IGFBP2: variants seen among roughly 807,000 people sequenced by gnomAD.
IGFBP2 encodes insulin-like growth factor-binding protein 2.
Under a neutral mutation model 26.2 loss-of-function variants are expected in IGFBP2, and 12 were observed. The observed-to-expected ratio is 0.46, with a 90% CI of 0.29 to 0.74. IGFBP2 has a LOEUF of 0.74. IGFBP2 is among the 30% of genes least tolerant of loss of function. The pLI is 0.09. For missense variants in IGFBP2, 328 were observed against 441.2 expected, an observed-to-expected ratio of 0.74 and a Z score of 2.30; for synonymous variants, 189 against 200.6, an observed-to-expected ratio of 0.94 and a Z score of 0.49.
intron 1 of IGFBP2, among the ~76,000 whole-genome samples, chr2:216,639,176 G>C (rs978488566): frequency 6.6e-6 from 1 of 151,966 alleles, no homozygotes; most frequent in African/African-American, 2.4e-5. Context: ...GGGAATTCAC[G>C]CATGCACCAC....
chr2:216,643,295 G>T (rs929085028), intron 1 of IGFBP2, among the ~76,000 whole-genome samples: 5 of 152,182 alleles, frequency 3.3e-5, no homozygotes, highest in African/African-American at 1.2e-4. Flanking sequence ...CCATAGAAAC[G>T]CTGGGTTGGG....
At chr2:216,639,356 T>G (rs967223837) in intron 1 of IGFBP2, among the ~76,000 whole-genome samples, 1 of 151,998 alleles carries the variant, frequency 6.6e-6, no homozygotes, top group Non-Finnish European at 1.5e-5. Context: ...GATATTGATA[T>G]GAGGAAGTTC....
chr2:216,661,466 C>T (rs1688646217), intron 2 of IGFBP2: 2 of 356,528 alleles, frequency 5.6e-6, no homozygotes, highest in Non-Finnish European at 1.1e-5. Flanking sequence ...CTTTCCTGCC[C>T]AGCTCTGCCA....
At chr2:216,653,245 T>G (rs1276780154) in intron 1 of IGFBP2, among the ~76,000 whole-genome samples, 1 of 152,164 alleles carries the variant, frequency 6.6e-6, no homozygotes, top group African/African-American at 2.4e-5. Context: ...AATTTCCAAA[T>G]AGAGCACTGA....
intron 1 of IGFBP2, among the ~76,000 whole-genome samples, chr2:216,659,967 C>T (rs892595946): frequency 2.0e-5 from 3 of 152,048 alleles, no homozygotes; most frequent in Admixed American, 1.3e-4. Flanking sequence ...TTCTGGGTGG[C>T]GACGTGGCCT....
rs186470702 is a variant in IGFBP2, at chr2:216,652,080, A to C, written c.443-8477A>C. Among the ~76,000 whole-genome samples the C allele has an allele frequency of 4.7e-5, 7 of 148,834 alleles. 1 individual carries two copies. Among genetic ancestry groups the C allele is most frequent in the African/African-American group, 1.7e-4 (7 of 40,446 alleles). ...CCTGGCCACCACACATTTTTTTCTA[A>C]AGCTTGGTTTTGGCCACAGTGAGAG... On this transcript the variant is annotated intron_variant, in intron 1 of 3. Transcript: ENST00000233809.
At chr2:216,636,651 A>T (rs906353991) in intron 1 of IGFBP2, among the ~76,000 whole-genome samples, 2 of 152,114 alleles carry the variant, frequency 1.3e-5, no homozygotes, top group East Asian at 1.9e-4. Flanking sequence ...AAGCGTGTGT[A>T]TGTGTTTGGT....
chr2:216,635,955 G>C (rs1697486248), intron 1 of IGFBP2, among the ~76,000 whole-genome samples: 2 of 152,118 alleles, frequency 1.3e-5, no homozygotes, highest in African/African-American at 2.4e-5. Context: ...GGTGGAAGGT[G>C]GGGGGTGGGG....
intron 1 of IGFBP2, among the ~76,000 whole-genome samples, chr2:216,650,306 C>T (rs1177025834): frequency 6.6e-6 from 1 of 152,210 alleles, no homozygotes; most frequent in African/African-American, 2.4e-5. Context: ...TACACTGACA[C>T]CTGCGCAAGT....
Position 216,633,659 on chromosome 2 carries a change from A to T in IGFBP2, c.136A>T (p.Thr46Ser). The T allele has an allele frequency of 9.1e-7, 1 of 1,095,838 alleles. No homozygotes were observed. The highest frequency in any genetic ancestry group is 1.1e-6 in the Non-Finnish European group (1 of 904,562). 67.9% of individuals were successfully genotyped at this position (1,095,838 alleles called of 1,614,324 possible). A position where few individuals can be genotyped will look rare whatever the true frequency, so the allele number is the denominator to read the frequency against. ...GGTGCTGTTCCGCTGCCCGCCCTGC[A>T]CACCCGAGCGCCTGGCCGCCTGCGG... is the stretch of plus-strand genomic sequence containing the variant. Reference protein sequence around the residue: ...AEVLFRCPPCTPERLAACGPP... With the variant: ...AEVLFRCPPCSPERLAACGPP... The change falls in exon 1 of 4, where the codon ACA (threonine) becomes TCA (serine). Residue 46 changes from threonine to serine, a missense_variant. Coordinates refer to ENST00000233809, the MANE Select transcript of IGFBP2 (RefSeq NM_000597.3).
intron 1 of IGFBP2, among the ~76,000 whole-genome samples, chr2:216,635,733 C>G (rs984611230): frequency 6.6e-6 from 1 of 152,064 alleles, no homozygotes; most frequent in Non-Finnish European, 1.5e-5. Context: ...CTCCCATTCA[C>G]TTTTCCCTGG....
chr2:216,657,262 C>T (rs570352269), intron 1 of IGFBP2, among the ~76,000 whole-genome samples: 217 of 151,958 alleles, frequency 1.4e-3, no homozygotes, highest in African/African-American at 5.2e-3. Flanking sequence ...GGAAGGGCAG[C>T]GGGGCGGAGG....
chr2:216,662,189 C>G (rs190231045), intron 3 of IGFBP2, 191 bp downstream of exon 3: 2 of 640,736 alleles, frequency 3.1e-6, no homozygotes, highest in Non-Finnish European at 5.3e-6. Context: ...TCCCTGCCTC[C>G]GACGGGTCAG....
At chr2:216,641,728 C>T (rs551693730) in intron 1 of IGFBP2, among the ~76,000 whole-genome samples, 124 of 146,812 alleles carry the variant, frequency 8.4e-4, no homozygotes, top group African/African-American at 3.0e-3. Context: ...CTTGCTCTGT[C>T]GCCCAGGCTG....
chr2:216,636,512 C>G (rs887360105), intron 1 of IGFBP2, among the ~76,000 whole-genome samples: 2 of 151,658 alleles, frequency 1.3e-5, no homozygotes, highest in Non-Finnish European at 2.9e-5. Flanking sequence ...GCCTGTATCC[C>G]ACGGGGACGA....
intron 3 of IGFBP2, chr2:216,663,657 G>A (rs1243871579): frequency 6.1e-6 from 2 of 328,160 alleles, no homozygotes; most frequent in East Asian, 1.1e-4. Flanking sequence ...TTTCATCTTC[G>A]GGTGTCCTGA....
chr2:216,648,027 C>T (rs1697750660), intron 1 of IGFBP2, among the ~76,000 whole-genome samples: 1 of 152,242 alleles, frequency 6.6e-6, no homozygotes, highest in Admixed American at 6.5e-5. Context: ...AAGGTTTCTC[C>T]TAAGTTATAC....
intron 1 of IGFBP2, among the ~76,000 whole-genome samples, chr2:216,655,939 G>A (rs556395208): frequency 1.3e-4 from 20 of 151,186 alleles, no homozygotes; most frequent in Admixed American, 9.2e-4. Context: ...TTTATAACTT[G>A]TTTAATAAAT....
intron 1 of IGFBP2, among the ~76,000 whole-genome samples, chr2:216,648,005 C>T (rs948226636): frequency 1.3e-5 from 2 of 152,242 alleles, no homozygotes; most frequent in African/African-American, 4.8e-5. Context: ...GTTCATCCTT[C>T]TTCCTTCTCA....
Sources: allele counts gnomAD v4.1 joint callset (sites outside exome capture counted in the v4.1 genomes callset), GRCh38; gene constraint gnomAD v4.1.1; transcripts MANE v1.5; gene names NCBI Gene and HGNC (gene_info 2026-07-23, HGNC 2026-07-21).